Variants in CFAP298 observed in about 807,000 individuals in gnomAD.
The protein encoded by CFAP298 is cilia- and flagella-associated protein 298.
A neutral mutation model predicts 41.0 loss-of-function variants in CFAP298; 38 were observed. The observed-to-expected ratio is 0.93, with a 90% CI of 0.72 to 1.22. The LOEUF (loss-of-function observed/expected upper bound fraction) is 1.22, where lower values mean the gene tolerates loss of function less well. Among genes scored for constraint, CFAP298 ranks in the 50% most tolerant of loss-of-function variants. CFAP298 has a pLI of 0.00. For missense variants in CFAP298, 348 were observed against 360.3 expected, an observed-to-expected ratio of 0.97 and a Z score of 0.28; for synonymous variants, 137 against 135.3, an observed-to-expected ratio of 1.01 and a Z score of -0.09.
chr21:32,606,997 G>A (rs1490805910), intron 3 of CFAP298, among the ~76,000 whole-genome samples: 1 of 152,112 alleles, frequency 6.6e-6, no homozygotes, highest in African/African-American at 2.4e-5. Context: ...AGAGCTACTC[G>A]ATGGCCACAA....
chr21:32,604,586 G>A, intron 3 of CFAP298: 1 of 331,842 alleles, frequency 3.0e-6, no homozygotes, highest in Non-Finnish European at 5.6e-6. Context: ...GATACGGCAG[G>A]GGGAGCAGGC....
At chr21:32,611,536 T>C (rs1342017395) in intron 1 of CFAP298, among the ~76,000 whole-genome samples, 2 of 151,704 alleles carry the variant, frequency 1.3e-5, no homozygotes, top group Non-Finnish European at 2.9e-5. Context: ...ACAGCACAGA[T>C]GGGGGCCCTT....
intron 3 of CFAP298, among the ~76,000 whole-genome samples, chr21:32,604,998 G>A (rs2038836949): frequency 6.6e-6 from 1 of 152,218 alleles, no homozygotes; most frequent in Non-Finnish European, 1.5e-5. Flanking sequence ...GGCCAACATG[G>A]CAAAGCCCTG....
intron 2 of CFAP298, among the ~76,000 whole-genome samples, 178 bp from the exon 3 acceptor site, chr21:32,607,894 C>T (rs1309176193): frequency 1.3e-5 from 2 of 152,130 alleles, no homozygotes; most frequent in East Asian, 1.9e-4. Flanking sequence ...AAGACCTCTT[C>T]CCAACAGCAG....
chr21:32,608,443 G>A (rs1470681392), intron 2 of CFAP298, among the ~76,000 whole-genome samples: 1 of 152,008 alleles, frequency 6.6e-6, no homozygotes, highest in African/African-American at 2.4e-5. Context: ...GATCACCTGA[G>A]GTCAGGAGTT....
chr21:32,609,257 A>G (rs1313375744), intron 2 of CFAP298, among the ~76,000 whole-genome samples: 2 of 152,220 alleles, frequency 1.3e-5, no homozygotes, highest in African/African-American at 4.8e-5. Context: ...ATTAGGTGGA[A>G]ACACATGAAA....
rs1266602873 is a variant in CFAP298 at position 32,609,843 on chromosome 21, C to T, written c.302G>A (p.Gly101Glu). 1.2e-6 allele frequency: 2 copies of T among 1,613,330 alleles called. No individual in the cohort carries two copies. Among genetic ancestry groups the T allele is most frequent in the Middle Eastern group, 1.6e-4 (1 of 6,062 alleles). Residue 101 changes from glycine (G) to glutamate (E), a missense_variant, in exon 2 of 7, where the codon GGG becomes GAG. Gly to Glu is a moderately conservative substitution (Grantham distance 98). Coordinates refer to ENST00000290155, the MANE Select transcript of CFAP298 (RefSeq NM_021254.4). ...GAAGAGAAATCCTCACTTACCTTGC[C>T]CATTCCTTCGTCCAATATCATCCTT... is the stretch of plus-strand genomic sequence containing the variant. The part of the protein sequence containing the change: ...FKKDDIGRRN[G>E]QAPNEKMKQV...
At chr21:32,605,565 C>T (rs892154678) in intron 3 of CFAP298, among the ~76,000 whole-genome samples, 59 of 152,166 alleles carry the variant, frequency 3.9e-4, no homozygotes, top group Admixed American at 6.5e-4. Context: ...TGAACAAAAA[C>T]GCTATAAAAA....
chr21:32,603,152 A>C lies in CFAP298; in HGVS notation c.666+9T>G. The C allele has an allele frequency of 6.2e-7, 1 of 1,614,232 alleles. No individual in the cohort carries two copies. The highest frequency in any genetic ancestry group is 8.5e-7 in the Non-Finnish European group (1 of 1,180,022). ...AAACTACTGACACATTAAAGCAAAAAGTACTTACTTGCTGAATCTTGGCGA... is the reference window on the plus strand; with the variant it reads ...AAACTACTGACACATTAAAGCAAAACGTACTTACTTGCTGAATCTTGGCGA... On this transcript the variant is annotated intron_variant, in intron 5 of 6. Transcript: ENST00000290155.
chr21:32,611,229 G>A (rs1323322629), intron 1 of CFAP298, among the ~76,000 whole-genome samples: 4 of 150,062 alleles, frequency 2.7e-5, no homozygotes, highest in Admixed American at 6.6e-5. Flanking sequence ...GCTTGAACCC[G>A]GGAGGCGAAG....
rs758517253 is a variant in CFAP298 at position 32,602,302 on chromosome 21, C to A, written c.732G>T (p.Leu244=). Residue 244 remains leucine (L), a synonymous_variant, in exon 6 of 7, where the codon CTG becomes CTT. Transcript: ENST00000290155. ...ISSEEQKQLM[L]YYHRRQEELK... ...GCTCCTCTTGTCTTCTGTGATAGTA[C>A]AGCATCAGCTGCTTCTGCTCCTCAC... 6.2e-7 allele frequency: 1 copy of A among 1,614,096 alleles called. No homozygotes were observed. The highest frequency in any genetic ancestry group is 1.1e-5 in the South Asian group (1 of 91,084).
Position 32,602,672 on chromosome 21 carries a change from T to C in CFAP298, c.667-305A>G, listed in dbSNP as rs2038769807. On this transcript the variant is annotated intron_variant, in intron 5 of 6. Coordinates refer to ENST00000290155, the MANE Select transcript of CFAP298 (RefSeq NM_021254.4). The stretch of plus-strand genomic sequence containing the variant: ...GATGCTCAGAGCCACGGACTCTGGA[T>C]CTACATAAGGTGGAGGGCCCCATTT... The C allele has an allele frequency of 2.4e-6, 3 of 1,258,784 alleles. No individual in the cohort carries two copies. The South Asian group carries it at 6.0e-5, about 25-fold the overall frequency. The allele number at this position is 1,258,784 out of a possible 1,614,324, so 78.0% of individuals were successfully genotyped here.
intron 3 of CFAP298, among the ~76,000 whole-genome samples, chr21:32,605,210 C>T (rs112907480): frequency 6.6e-6 from 1 of 152,252 alleles, no homozygotes; most frequent in South Asian, 2.1e-4. Flanking sequence ...TGGAGGGAGA[C>T]CAGGTAGCAG....
chr21:32,610,067 G>T, intron 1 of CFAP298, 62 bp from the exon 2 acceptor site: 1 of 1,432,870 alleles, frequency 7.0e-7, no homozygotes, highest in Non-Finnish European at 9.6e-7. Context: ...TGGAATGTAA[G>T]CTCCAAAGAG....
At chr21:32,611,392 CTATA>C (rs1188749276) in intron 1 of CFAP298, among the ~76,000 whole-genome samples, 1 of 137,364 alleles carries the variant, frequency 7.3e-6, no homozygotes, top group Non-Finnish European at 1.5e-5. Flanking sequence ...TTCATATATA[CTATA>C]TATATGGTAT....
At chr21:32,609,594 G>A (rs894343836) in intron 2 of CFAP298, among the ~76,000 whole-genome samples, 18 of 152,230 alleles carry the variant, frequency 1.2e-4, no homozygotes, top group African/African-American at 4.3e-4. Context: ...GCAAAACCCC[G>A]TCTCTACTAA....
In CFAP298 at chr21:32,603,298, G is replaced by A. The variant is rs920175184; in HGVS notation, c.535-6C>T. The A allele has an allele frequency of 1.2e-6, 2 of 1,613,936 alleles. No homozygotes were observed. Among genetic ancestry groups the A allele is most frequent in the Admixed American group, 1.7e-5 (1 of 60,032 alleles). ...TTAATGACGTTGAGCCCTGCCTGGG[G>A]CCAGTCGTAAGAATGGCTTGACTGT... On this transcript the variant is annotated splice_polypyrimidine_tract_variant and splice_region_variant and intron_variant, in intron 4 of 6. Coordinates refer to ENST00000290155, the MANE Select transcript of CFAP298 (RefSeq NM_021254.4).
In CFAP298 at chr21:32,600,521, G is replaced by T. The variant is rs1057245498; in HGVS notation, c.*1342C>A. 6.6e-6 allele frequency among the ~76,000 whole-genome samples: 1 copy of T among 152,216 alleles called. No individual in the cohort carries two copies. The highest frequency in any genetic ancestry group is 1.5e-5 in the Non-Finnish European group (1 of 68,044). ...CTTTCCCTCAGTGTGAGCACACCAAGTTCCCTCTAACCAGGAGAACAGGAC... is the reference window on the plus strand; with the variant it reads ...CTTTCCCTCAGTGTGAGCACACCAATTTCCCTCTAACCAGGAGAACAGGAC... On this transcript the variant is annotated 3_prime_UTR_variant, in exon 7 of 7. Coordinates refer to ENST00000290155, the MANE Select transcript of CFAP298 (RefSeq NM_021254.4).
Position 32,609,985 on chromosome 21 carries a change from G to A in CFAP298, c.160C>T (p.His54Tyr), listed in dbSNP as rs1389962473. 12 of 1,613,208 alleles carry A rather than the reference G, an allele frequency of 7.4e-6. No individual in the cohort carries two copies. The South Asian group carries it at 1.1e-4, about 15-fold the overall frequency. ...LCSEMEELAE[H>Y]GIFLPPNMQG... ...ATATTAGGAGGGAGAAATATGCCAT[G>A]TTCGGCTAATTCTTCCATTTCTTAA... The change falls in exon 2 of 7, where the codon CAT becomes TAT. Residue 54 changes from histidine to tyrosine, a missense_variant. Coordinates refer to ENST00000290155, the MANE Select transcript of CFAP298 (RefSeq NM_021254.4).
Sources: allele counts gnomAD v4.1 joint callset (sites outside exome capture counted in the v4.1 genomes callset), GRCh38; gene constraint gnomAD v4.1.1; transcripts MANE v1.5; gene names NCBI Gene and HGNC (gene_info 2026-07-23, HGNC 2026-07-21).